The following MRPS28 variants were observed in gnomAD, a reference collection of about 807,000 sequenced individuals.
MRPS28 encodes the protein mitochondrial ribosomal protein S28, also known as small ribosomal subunit protein bS1m.
In MRPS28, 7 loss-of-function variants were observed where a neutral mutation model predicts 10.8. The ratio of observed to expected loss-of-function variants is 0.65; its 90% CI spans 0.37 to 1.22. The LOEUF (loss-of-function observed/expected upper bound fraction) is 1.22. MRPS28 is among the 50% of genes most tolerant of loss of function. The pLI, the probability that MRPS28 is intolerant of heterozygous loss-of-function variation, is 0.02. For missense variants in MRPS28, 265 were observed against 232.9 expected, an observed-to-expected ratio of 1.14 and a Z score of -0.90; for synonymous variants, 121 against 93.3, an observed-to-expected ratio of 1.30 and a Z score of -1.71.
intron 2 of MRPS28, among the ~76,000 whole-genome samples, chr8:79,983,161 C>G (rs559574700): frequency 2.0e-5 from 3 of 152,148 alleles, no homozygotes; most frequent in Non-Finnish European, 4.4e-5. Context: ...CCCAGGCAAA[C>G]AGGGTCTGGA....
In MRPS28 at chr8:80,023,449, C is replaced by T. The variant is rs117013053; in HGVS notation, c.213+6587G>A. 6.3e-3 allele frequency among the ~76,000 whole-genome samples: 959 copies of T among 151,862 alleles called. 14 individuals are homozygous for T. The highest frequency in any genetic ancestry group is 0.056 in the East Asian group (292 of 5,178). Reference sequence around the variant, plus strand: ...TATATATTTTTATTTTTCCAGTATTCTGAAAGGATTGAACATCTGATTTTA... The same window carrying T: ...TATATATTTTTATTTTTCCAGTATTTTGAAAGGATTGAACATCTGATTTTA... On this transcript the variant is annotated intron_variant, in intron 1 of 2. Coordinates refer to ENST00000276585, the MANE Select transcript of MRPS28 (RefSeq NM_014018.3).
At chr8:79,984,913 C>T (rs114866899) in intron 2 of MRPS28, among the ~76,000 whole-genome samples, 2,014 of 152,272 alleles carry the variant, frequency 0.013, 63 homozygotes, top group African/African-American at 0.044. Context: ...CTCAGCTTTG[C>T]ACCACGCGGA....
intron 2 of MRPS28, among the ~76,000 whole-genome samples, chr8:79,987,458 G>C (rs867068993): frequency 3.5e-4 from 53 of 152,172 alleles, no homozygotes; most frequent in African/African-American, 1.2e-3. Context: ...CTTCTGCACA[G>C]CAAAAGAAAC....
chr8:79,949,464 G>T (rs1296428391), intron 2 of MRPS28, among the ~76,000 whole-genome samples: 1 of 151,630 alleles, frequency 6.6e-6, no homozygotes, highest in Non-Finnish European at 1.5e-5. Flanking sequence ...TCTGCTTTTG[G>T]GCGAAGCCTA....
At chr8:79,920,533 T>G (rs545127231) in intron 2 of MRPS28, among the ~76,000 whole-genome samples, 75 of 152,364 alleles carry the variant, frequency 4.9e-4, no homozygotes, top group African/African-American at 1.6e-3. Flanking sequence ...TGCATTTCTC[T>G]GATGGCCAGT....
At chr8:80,021,656 T>G (rs748392765) in intron 1 of MRPS28, among the ~76,000 whole-genome samples, 2 of 152,198 alleles carry the variant, frequency 1.3e-5, no homozygotes, top group African/African-American at 4.8e-5. Flanking sequence ...CTACACTGCA[T>G]TGCTTCTAAC....
At chr8:79,951,272 C>G (rs1807072849) in intron 2 of MRPS28, among the ~76,000 whole-genome samples, 1 of 152,214 alleles carries the variant, frequency 6.6e-6, no homozygotes, top group South Asian at 2.1e-4. Flanking sequence ...GACAGGTTCT[C>G]AGCCACCAGG....
At chr8:80,001,869 T>A (rs1291410151) in intron 2 of MRPS28, among the ~76,000 whole-genome samples, 1 of 152,220 alleles carries the variant, frequency 6.6e-6, no homozygotes, top group Admixed American at 6.5e-5. Flanking sequence ...TGTGCACACA[T>A]CTTCCCAACT....
chr8:79,946,800 A>T (rs1305798482), intron 2 of MRPS28, among the ~76,000 whole-genome samples: 3 of 152,318 alleles, frequency 2.0e-5, no homozygotes, highest in Non-Finnish European at 4.4e-5. Context: ...TTCTAACTAA[A>T]ATAACAAGCG....
chr8:79,972,813 T>C (rs887050059), intron 2 of MRPS28, among the ~76,000 whole-genome samples: 3 of 152,224 alleles, frequency 2.0e-5, no homozygotes, highest in African/African-American at 7.2e-5. Flanking sequence ...GTATAGTGAA[T>C]ATTTCCTTAA....
chr8:79,984,047 G>C (rs1432418511), intron 2 of MRPS28, among the ~76,000 whole-genome samples: 1 of 152,026 alleles, frequency 6.6e-6, no homozygotes, highest in Non-Finnish European at 1.5e-5. Context: ...ACCCACAAAG[G>C]GAAGGCCATC....
chr8:80,023,269 A>G (rs948921426), intron 1 of MRPS28, among the ~76,000 whole-genome samples: 1 of 152,216 alleles, frequency 6.6e-6, no homozygotes, highest in African/African-American at 2.4e-5. Flanking sequence ...AAACACTGGT[A>G]TAATTCTTAA....
chr8:79,931,655 A>G (rs1806465367), intron 2 of MRPS28, among the ~76,000 whole-genome samples: 1 of 152,238 alleles, frequency 6.6e-6, no homozygotes, highest in Non-Finnish European at 1.5e-5. Flanking sequence ...ATCCTCAATG[A>G]AAGTCCAGTC....
intron 1 of MRPS28, among the ~76,000 whole-genome samples, chr8:80,009,762 G>A (rs747211192): frequency 1.3e-5 from 2 of 152,086 alleles, no homozygotes; most frequent in East Asian, 1.9e-4. Context: ...AGAATGGGGT[G>A]GGGGGTGGTT....
At chr8:79,983,585 T>G (rs1425896674) in intron 2 of MRPS28, among the ~76,000 whole-genome samples, 7 of 152,138 alleles carry the variant, frequency 4.6e-5, no homozygotes, top group African/African-American at 1.7e-4. Context: ...TTAAAGGAGC[T>G]GACAGAGCTG....
chr8:80,028,216 AG>A (rs536550970), intron 1 of MRPS28, among the ~76,000 whole-genome samples: 191 of 152,310 alleles, frequency 1.3e-3, no homozygotes, highest in African/African-American at 4.5e-3. Context: ...GGGTTTCCGA[AG>A]GGGCTTAGAA....
rs112746101 is a variant in MRPS28, at chr8:79,950,422, A to G, written c.396-31274T>C. Among the ~76,000 whole-genome samples the G allele has an allele frequency of 6.3e-3, 964 of 152,302 alleles. 14 individuals are homozygous for G. The highest frequency in any genetic ancestry group is 0.021 in the African/African-American group (887 of 41,558). On this transcript the variant is annotated intron_variant, in intron 2 of 2. Transcript: ENST00000276585. ...AAGTTAATTCATTAAATATTTATTAATTCATTAAATATACTTTAGGATATT... is the reference window on the plus strand; with the variant it reads ...AAGTTAATTCATTAAATATTTATTAGTTCATTAAATATACTTTAGGATATT...
At chr8:79,996,944 T>G (rs1808515773) in intron 2 of MRPS28, among the ~76,000 whole-genome samples, 1 of 152,238 alleles carries the variant, frequency 6.6e-6, no homozygotes, top group Non-Finnish European at 1.5e-5. Flanking sequence ...GTTGCATGAC[T>G]GCAGCACATT....
chr8:79,984,099 A>T (rs1309380446), intron 2 of MRPS28, among the ~76,000 whole-genome samples: 2 of 152,106 alleles, frequency 1.3e-5, no homozygotes, highest in African/African-American at 2.4e-5. Context: ...TACAAGCCAG[A>T]AGAGAGTGGG....
Sources: allele counts gnomAD v4.1 joint callset (sites outside exome capture counted in the v4.1 genomes callset), GRCh38; gene constraint gnomAD v4.1.1; transcripts MANE v1.5; gene names NCBI Gene and HGNC (gene_info 2026-07-23, HGNC 2026-07-21).